Variants in RERE observed in about 807,000 individuals in gnomAD.
RERE encodes the protein arginine-glutamic acid dipeptide repeats, also known as arginine-glutamic acid dipeptide repeats protein.
In RERE, 40 loss-of-function variants were observed where a neutral mutation model predicts 146.1. The ratio of observed to expected loss-of-function variants is 0.27; its 90% CI spans 0.21 to 0.36. The LOEUF (loss-of-function observed/expected upper bound fraction) is 0.36. Among genes scored for constraint, RERE ranks in the 10% least tolerant of loss-of-function variants. The pLI, the probability that RERE is intolerant of heterozygous loss-of-function variation, is 1.00. For synonymous variants in RERE, 1,003 were observed against 866.0 expected (o/e 1.16, Z -2.78); for missense variants, 1,933 against 2,138.7 (o/e 0.90, Z 1.90).
At chr1:8,669,449 A>T (rs1638664495) in intron 1 of RERE, among the ~76,000 whole-genome samples, 1 of 152,322 alleles carries the variant, frequency 6.6e-6, no homozygotes, top group Non-Finnish European at 1.5e-5. Flanking sequence ...TTATATCTCA[A>T]CAAAGCTGTT....
At chr1:8,537,499 TAC>T (rs1400243977) in intron 7 of RERE, among the ~76,000 whole-genome samples, 1 of 152,340 alleles carries the variant, frequency 6.6e-6, no homozygotes, top group African/African-American at 2.4e-5. Context: ...AGCCATCAAA[TAC>T]ATTTTGGCAC....
chr1:8,778,355 T>C (rs561926315), intron 1 of RERE, among the ~76,000 whole-genome samples: 2 of 152,344 alleles, frequency 1.3e-5, no homozygotes, highest in South Asian at 2.1e-4. Flanking sequence ...TTTAGCAATC[T>C]AGTGAAAACG....
At chr1:8,532,758 C>T (rs1645673709) in intron 7 of RERE, among the ~76,000 whole-genome samples, 1 of 152,140 alleles carries the variant, frequency 6.6e-6, no homozygotes, top group Non-Finnish European at 1.5e-5. Flanking sequence ...CCCCACCTAG[C>T]TAAATTTTTG....
At chr1:8,361,514 G>A in intron 17 of RERE, 24 bp from the exon 18 acceptor site, 2 of 1,606,160 alleles carry the variant, frequency 1.2e-6, no homozygotes, top group Non-Finnish European at 1.7e-6. Flanking sequence ...AGGGAAGGAT[G>A]GAAGTCCCAG....
intron 8 of RERE, among the ~76,000 whole-genome samples, chr1:8,506,083 A>G (rs906854010): frequency 6.6e-6 from 1 of 152,216 alleles, no homozygotes; most frequent in South Asian, 2.1e-4. Flanking sequence ...CTATAAAATA[A>G]AAGTCTGGTA....
At chr1:8,707,803 T>C (rs1639586691) in intron 1 of RERE, among the ~76,000 whole-genome samples, 1 of 152,198 alleles carries the variant, frequency 6.6e-6, no homozygotes, top group South Asian at 2.1e-4. Context: ...GAGGATTTGA[T>C]TTGTAACACA....
At chr1:8,815,829 T>TTGTGTGTGTGTGTGTGTGTGTG (rs539845789) in intron 1 of RERE, among the ~76,000 whole-genome samples, 15 of 149,966 alleles carry the variant, frequency 1.0e-4, no homozygotes, top group Admixed American at 3.3e-4. Context: ...CAGCTTGGTA[T>TTGTGTGTGTGTGTGTGTGTGTG]TGTGTGTGTG....
intron 6 of RERE, among the ~76,000 whole-genome samples, chr1:8,554,461 T>C (rs1316283196): frequency 6.6e-6 from 1 of 150,986 alleles, no homozygotes; most frequent in Non-Finnish European, 1.5e-5. Context: ...TCAAAGTGGG[T>C]GGATTGCTTA....
rs186869033 is a variant in RERE, at chr1:8,492,023, G to C, written c.1104+3040C>G. Among the ~76,000 whole-genome samples the C allele has an allele frequency of 5.9e-5, 9 of 152,204 alleles. No individual in the cohort carries two copies. In the East Asian group the frequency reaches 1.7e-3, roughly 29 times the overall value. On this transcript the variant is annotated intron_variant, in intron 10 of 22. Transcript: ENST00000400908. Reference sequence around the variant, plus strand: ...GGATATTTTCATTCATTTTTCATTAGGAAAATGCTTGCAACTGAAGTTTTC... The same window carrying C: ...GGATATTTTCATTCATTTTTCATTACGAAAATGCTTGCAACTGAAGTTTTC...
In RERE at chr1:8,356,086, A is replaced by C. The variant is rs1641280806; in HGVS notation, c.4486+14T>G. 2 of 1,483,592 alleles carry C rather than the reference A, an allele frequency of 1.3e-6. No homozygotes were observed. The allele number at this position is 1,483,592 out of a possible 1,614,324, so 91.9% of individuals were successfully genotyped here. A position where few individuals can be genotyped will look rare whatever the true frequency, so the allele number is the denominator to read the frequency against. ...CACACGGCCTCCCCGCCCCTCCTGG[A>C]GGGGAAGTCTTACCGAAAACTGGGT... On this transcript the variant is annotated intron_variant, in intron 21 of 22. Coordinates refer to ENST00000400908, the MANE Select transcript of RERE (RefSeq NM_001042681.2). The surrounding 1 kb of genome is among the most constrained non-coding windows in gnomAD (Gnocchi z 5.2).
At chr1:8,723,200 AAAG>A (rs1256119301) in intron 1 of RERE, among the ~76,000 whole-genome samples, 4 of 152,224 alleles carry the variant, frequency 2.6e-5, no homozygotes, top group African/African-American at 7.2e-5. Context: ...GAATGACAAC[AAAG>A]AAGAATAAAA....
intron 1 of RERE, among the ~76,000 whole-genome samples, chr1:8,751,778 A>C (rs1193246692): frequency 3.4e-5 from 2 of 58,772 alleles, no homozygotes; most frequent in South Asian, 3.7e-4. Flanking sequence ...CTTTCACTTT[A>C]AAAAAAAAAA....
intron 7 of RERE, among the ~76,000 whole-genome samples, chr1:8,530,864 T>C (rs903306486): frequency 1.3e-5 from 2 of 150,924 alleles, no homozygotes; most frequent in Non-Finnish European, 3.0e-5. Flanking sequence ...GCTAATTTTT[T>C]GTATTTTTAG....
chr1:8,442,177 G>A (rs1644258257), intron 11 of RERE, among the ~76,000 whole-genome samples: 1 of 152,108 alleles, frequency 6.6e-6, no homozygotes, highest in Non-Finnish European at 1.5e-5. Flanking sequence ...CTGAGGTCAG[G>A]AGTTCAAGAC....
At chr1:8,433,932 C>T (rs1450100481) in intron 11 of RERE, among the ~76,000 whole-genome samples, 2 of 152,190 alleles carry the variant, frequency 1.3e-5, no homozygotes, top group Non-Finnish European at 2.9e-5. Flanking sequence ...AGGAGTAATA[C>T]CAAAGAGTTC....
At chr1:8,514,545 C>T (rs1163774932) in intron 7 of RERE, among the ~76,000 whole-genome samples, 1 of 152,120 alleles carries the variant, frequency 6.6e-6, no homozygotes, top group Non-Finnish European at 1.5e-5. Flanking sequence ...GCCTAGTCAA[C>T]ATGGTGAAAC....
intron 11 of RERE, among the ~76,000 whole-genome samples, chr1:8,457,832 C>T (rs1644470872): frequency 6.6e-6 from 1 of 152,102 alleles, no homozygotes; most frequent in Non-Finnish European, 1.5e-5. Flanking sequence ...AACTCCTGAC[C>T]TCACTTGATC....
rs1646019478 is a variant in RERE, at chr1:8,557,304, C to T, written c.628+114G>A. On this transcript the variant is annotated intron_variant, in intron 5 of 22. Coordinates refer to ENST00000400908, the MANE Select transcript of RERE (RefSeq NM_001042681.2). ...GTGAATCATCAAGCATAAGGCCTAC[C>T]AACACTCCAAAATCCATTTTTCAAA... 5 of 708,008 alleles carry T rather than the reference C, an allele frequency of 7.1e-6. No individual in the cohort carries two copies. The Admixed American group carries it at 1.1e-4, about 15-fold the overall frequency. 43.9% of individuals were successfully genotyped at this position (708,008 alleles called of 1,614,324 possible).
chr1:8,394,779 A>G (rs934159242), intron 12 of RERE, among the ~76,000 whole-genome samples: 8 of 152,218 alleles, frequency 5.3e-5, no homozygotes, highest in South Asian at 2.1e-4. Flanking sequence ...TCTGTAAACC[A>G]TAAAATCCAC....
Sources: allele counts gnomAD v4.1 joint callset (sites outside exome capture counted in the v4.1 genomes callset), GRCh38; gene constraint gnomAD v4.1.1; non-coding constraint Gnocchi (gnomAD v3.1); transcripts MANE v1.5; gene names NCBI Gene and HGNC (gene_info 2026-07-23, HGNC 2026-07-21).